The following CUX1 variants were observed in gnomAD, a reference collection of about 807,000 sequenced individuals.
CUX1 encodes the protein protein CASP.
Under a neutral mutation model 158.8 loss-of-function variants are expected in CUX1, and 31 were observed. The ratio of observed to expected loss-of-function variants is 0.20; its 90% CI spans 0.15 to 0.26. The LOEUF is 0.26. Ranked by LOEUF, CUX1 falls within the 10% of genes least tolerant of loss-of-function variation. The pLI is 1.00. For missense variants in CUX1, 1,589 were observed against 2,014.6 expected (o/e 0.79, Z 4.04); for synonymous variants, 879 against 862.1 (o/e 1.02, Z -0.34).
intron 4 of CUX1, among the ~76,000 whole-genome samples, chr7:102,084,325 A>T (rs1827739679): frequency 6.7e-6 from 1 of 149,180 alleles, no homozygotes; most frequent in African/African-American, 2.4e-5. Context: ...TTATATAATA[A>T]TAATATAGGT....
At chr7:102,165,785 C>T (rs1554508603) in intron 9 of CUX1, among the ~76,000 whole-genome samples, 1 of 152,160 alleles carries the variant, frequency 6.6e-6, no homozygotes, top group African/African-American at 2.4e-5. Context: ...CTGGTTCCGG[C>T]TCTCCTTCCC....
At chr7:101,831,225 G>A (rs1030027272) in intron 1 of CUX1, among the ~76,000 whole-genome samples, 12 of 152,038 alleles carry the variant, frequency 7.9e-5, no homozygotes, top group Non-Finnish European at 1.3e-4. Context: ...CCTGTGTGCC[G>A]GGCAGCATTC....
intron 4 of CUX1, among the ~76,000 whole-genome samples, chr7:102,089,817 TGTGTCCTTCAATGGACAG>T (rs1554481671): frequency 6.6e-6 from 1 of 152,236 alleles, no homozygotes; most frequent in African/African-American, 2.4e-5. Flanking sequence ...TCTTGTGATG[TGTGTCCTTCAATGGACAG>T]GGAGACCATC....
chr7:102,283,274 C>T, exon 23 of CUX1: 1 of 613,594 alleles, frequency 1.6e-6, no homozygotes. Flanking sequence ...TCACATCAGG[C>T]CCGCTAGGTC....
intron 1 of CUX1, among the ~76,000 whole-genome samples, chr7:101,887,140 G>GGC (rs1800312053): frequency 6.6e-6 from 1 of 152,172 alleles, no homozygotes; most frequent in African/African-American, 2.4e-5. Flanking sequence ...TGCAGGGACG[G>GGC]TTTGGAAGGG....
intron 1 of CUX1, among the ~76,000 whole-genome samples, chr7:101,885,561 A>G (rs1411400134): frequency 6.6e-6 from 1 of 152,150 alleles, no homozygotes; most frequent in African/African-American, 2.4e-5. Flanking sequence ...CCTGTCCCAA[A>G]AAATAAAAAA....
chr7:102,282,709 C>T (rs1554549658), intron 21 of CUX1: 4 of 1,613,032 alleles, frequency 2.5e-6, no homozygotes, highest in Non-Finnish European at 3.4e-6. Context: ...TCCACCTGGC[C>T]AGGTGCTCTA....
At chr7:102,135,128 G>A (rs782425016) in intron 8 of CUX1, among the ~76,000 whole-genome samples, 1 of 152,014 alleles carries the variant, frequency 6.6e-6, no homozygotes, top group Non-Finnish European at 1.5e-5. Context: ...ACTGACCCCC[G>A]ACACAGTGAA....
At chr7:101,996,929 C>T (rs543237954) in intron 2 of CUX1, among the ~76,000 whole-genome samples, 11 of 151,922 alleles carry the variant, frequency 7.2e-5, no homozygotes, top group African/African-American at 2.2e-4. Flanking sequence ...TAGGAAATTC[C>T]GGCACAGTCT....
At chr7:102,273,754 G>A (rs886323221) in intron 15 of CUX1, among the ~76,000 whole-genome samples, 2 of 152,254 alleles carry the variant, frequency 1.3e-5, no homozygotes, top group African/African-American at 4.8e-5. Context: ...GCACTGCCCT[G>A]AGAGCAGAGG....
intron 10 of CUX1, among the ~76,000 whole-genome samples, chr7:102,176,961 T>A (rs1792435442): frequency 6.6e-6 from 1 of 151,498 alleles, no homozygotes; most frequent in Non-Finnish European, 1.5e-5. Flanking sequence ...TTTTTTTTTT[T>A]AATACCTTAG....
At chr7:102,064,407 T>G (rs113335155) in intron 3 of CUX1, among the ~76,000 whole-genome samples, 5,340 of 152,174 alleles carry the variant, frequency 0.035, 322 homozygotes, top group African/African-American at 0.12. Flanking sequence ...AGGCACGAGG[T>G]AGCTGGAATT....
At chr7:102,125,122 G>A (rs782050952) in intron 8 of CUX1, among the ~76,000 whole-genome samples, 10 of 152,008 alleles carry the variant, frequency 6.6e-5, no homozygotes, top group Non-Finnish European at 7.4e-5. Context: ...TCAAAAGACC[G>A]GCTTTATCCC....
At chr7:102,060,502 C>A (rs936262014) in intron 3 of CUX1, among the ~76,000 whole-genome samples, 1 of 151,224 alleles carries the variant, frequency 6.6e-6, no homozygotes, top group Non-Finnish European at 1.5e-5. Flanking sequence ...AACAGCTCAA[C>A]AAGGAGGGAG....
chr7:102,057,693 T>A (rs924884196), intron 3 of CUX1, among the ~76,000 whole-genome samples: 3 of 152,138 alleles, frequency 2.0e-5, no homozygotes, highest in African/African-American at 7.2e-5. Context: ...TGATCAAACT[T>A]GAATGGATGA....
chr7:101,993,036 AAG>A (rs1397228687), intron 2 of CUX1, among the ~76,000 whole-genome samples: 2 of 152,156 alleles, frequency 1.3e-5, no homozygotes, highest in East Asian at 3.8e-4. Flanking sequence ...CCTTTATAAA[AAG>A]AAGGGCTTGG....
intron 3 of CUX1, among the ~76,000 whole-genome samples, chr7:102,031,770 T>C (rs1228608550): frequency 6.6e-6 from 1 of 152,146 alleles, no homozygotes; most frequent in African/African-American, 2.4e-5. Flanking sequence ...TTAGTTACTC[T>C]TTTTCATGTG....
At chr7:102,183,201 A>G (rs1793288067) in intron 11 of CUX1, among the ~76,000 whole-genome samples, 1 of 152,130 alleles carries the variant, frequency 6.6e-6, no homozygotes, top group Non-Finnish European at 1.5e-5. Context: ...TTTAGTAGAG[A>G]CAGGGTTTCA....
chr7:101,913,425 G>A (rs1803739536), intron 1 of CUX1: 2 of 1,250,624 alleles, frequency 1.6e-6, no homozygotes, highest in Non-Finnish European at 2.1e-6. Flanking sequence ...TGGCTCTGCA[G>A]CCCCGGGATC....
Sources: gnomAD v4.1 joint callset for allele counts (sites outside exome capture counted in the v4.1 genomes callset) on GRCh38, gnomAD v4.1.1 for gene constraint, MANE v1.5 for transcripts, NCBI Gene and HGNC (gene_info 2026-07-23, HGNC 2026-07-21) for gene names.